RORA: variants seen among roughly 807,000 people sequenced by gnomAD.
RORA encodes nuclear receptor ROR-alpha.
A neutral mutation model predicts 69.5 loss-of-function variants in RORA; 7 were observed. The observed-to-expected ratio is 0.10, with a 90% confidence interval of 0.06 to 0.19. The LOEUF (loss-of-function observed/expected upper bound fraction) is 0.19, where lower values mean the gene tolerates loss of function less well. Ranked by LOEUF, RORA falls within the 10% of genes least tolerant of loss-of-function variation. The probability of loss-of-function intolerance (pLI) is 1.00; values close to 1 mark genes in which losing one functional copy is unlikely to be tolerated. For synonymous variants in RORA, 261 were observed against 240.8 expected (o/e 1.08, Z -0.78); for missense variants, 457 against 663.0 (o/e 0.69, Z 3.41).
At chr15:60,573,268 T>A (rs946984088) in intron 2 of RORA, among the ~76,000 whole-genome samples, 4 of 152,164 alleles carry the variant, frequency 2.6e-5, no homozygotes, top group Admixed American at 2.0e-4. Flanking sequence ...AGCGACATCA[T>A]AATGAAGTCC....
chr15:60,671,137 G>A (rs965475268), intron 2 of RORA, among the ~76,000 whole-genome samples: 16 of 143,682 alleles, frequency 1.1e-4, no homozygotes, highest in Non-Finnish European at 2.1e-4. Flanking sequence ...GGGTTTTTTT[G>A]GGTTTGGATA....
intron 3 of RORA, among the ~76,000 whole-genome samples, chr15:60,526,257 G>A (rs562791356): frequency 3.3e-5 from 5 of 152,244 alleles, no homozygotes; most frequent in African/African-American, 7.2e-5. Context: ...AGCTGCCCAC[G>A]TGTCATATTT....
In RORA at chr15:60,488,922, T is replaced by C. The variant is rs1268575800; in HGVS notation, c.*8533A>G. On this transcript the variant is annotated 3_prime_UTR_variant, in exon 11 of 11. Coordinates refer to ENST00000335670, the MANE Select transcript of RORA (RefSeq NM_134261.3). The stretch of plus-strand genomic sequence containing the variant: ...TTTAATACTTGGTTGTAGAGGAGAA[T>C]GTTAACCGTAAGGCTTGGCTTACTT... 1 of 152,236 alleles carries C rather than the reference T, an allele frequency of 6.6e-6. No individual in the cohort carries two copies. The highest frequency in any genetic ancestry group is 2.4e-5 in the African/African-American group (1 of 41,466). The allele number at this position is 152,236 out of a possible 1,614,324, so 9.4% of individuals were successfully genotyped here.
chr15:60,666,890 G>C (rs7166370), intron 2 of RORA, among the ~76,000 whole-genome samples: 55,343 of 152,038 alleles, frequency 0.36, 10,697 homozygotes, highest in Non-Finnish European at 0.44. Flanking sequence ...TCAGGTGACA[G>C]AAAACCTTAC....
chr15:60,838,644 AT>A (rs1305535239), intron 1 of RORA, among the ~76,000 whole-genome samples: 1 of 152,184 alleles, frequency 6.6e-6, no homozygotes, highest in African/African-American at 2.4e-5. Context: ...GGCGTCTTTT[AT>A]TTGTAGGTAT....
intron 2 of RORA, among the ~76,000 whole-genome samples, chr15:60,589,952 A>C (rs1302709110): frequency 6.6e-6 from 1 of 152,212 alleles, no homozygotes; most frequent in Non-Finnish European, 1.5e-5. Flanking sequence ...AACTATTAAA[A>C]CTGAGAAGCA....
intron 3 of RORA, among the ~76,000 whole-genome samples, chr15:60,514,992 A>G (rs555779143): frequency 1.3e-5 from 2 of 152,304 alleles, no homozygotes; most frequent in Admixed American, 1.3e-4. Context: ...TTTAACTTCA[A>G]CAGACAGTTG....
At chr15:60,863,478 A>G (rs1050753283) in intron 1 of RORA, among the ~76,000 whole-genome samples, 1 of 152,244 alleles carries the variant, frequency 6.6e-6, no homozygotes, top group African/African-American at 2.4e-5. Flanking sequence ...TATAGAATGA[A>G]CAGCACTCAA....
At chr15:60,642,508 G>C (rs896966114) in intron 2 of RORA, among the ~76,000 whole-genome samples, 1 of 152,164 alleles carries the variant, frequency 6.6e-6, no homozygotes, top group Non-Finnish European at 1.5e-5. Context: ...TTTCAGGCAA[G>C]TAAACTGCTA....
intron 1 of RORA, among the ~76,000 whole-genome samples, chr15:60,952,419 T>C (rs1243732680): frequency 2.6e-5 from 4 of 152,048 alleles, no homozygotes; most frequent in Non-Finnish European, 5.9e-5. Flanking sequence ...CTATTCAACA[T>C]AGTGTTGGAA....
rs948557647 is a variant in RORA, at chr15:60,929,351, T to C, written c.167-250665A>G. On this transcript the variant is annotated intron_variant, in intron 1 of 10. Coordinates refer to ENST00000335670, the MANE Select transcript of RORA (RefSeq NM_134261.3). ...GTGTGCTGCTTTGACAAATAAGCTA[T>C]GAAGTCTGGTATTCATCACTGGCTG... Among the ~76,000 whole-genome samples, 6 of 152,308 alleles carry C rather than the reference T, an allele frequency of 3.9e-5. No homozygotes were observed. The South Asian group carries it at 1.0e-3, about 26-fold the overall frequency.
chr15:61,136,708 A>G (rs543846714), intron 1 of RORA, among the ~76,000 whole-genome samples: 2 of 152,152 alleles, frequency 1.3e-5, no homozygotes, highest in Non-Finnish European at 2.9e-5. Flanking sequence ...TCATGAACCA[A>G]CTCAAGGCTT....
At chr15:60,515,289 C>T (rs1224315367) in intron 3 of RORA, among the ~76,000 whole-genome samples, 1 of 152,202 alleles carries the variant, frequency 6.6e-6, no homozygotes, top group Non-Finnish European at 1.5e-5. Flanking sequence ...AATCTGCTAT[C>T]GCAAGCATTA....
At chr15:60,696,935 A>G (rs1020932296) in intron 1 of RORA, among the ~76,000 whole-genome samples, 1 of 152,172 alleles carries the variant, frequency 6.6e-6, no homozygotes, top group African/African-American at 2.4e-5. Flanking sequence ...TCTTCTGATC[A>G]TTTTTCAAAT....
chr15:61,000,770 G>T (rs1233205585), intron 1 of RORA, among the ~76,000 whole-genome samples: 1 of 152,116 alleles, frequency 6.6e-6, no homozygotes, highest in Non-Finnish European at 1.5e-5. Flanking sequence ...AGAAATTCAG[G>T]TGGCCATTTC....
chr15:61,169,312 C>A (rs1188003016), intron 1 of RORA, among the ~76,000 whole-genome samples: 2 of 151,836 alleles, frequency 1.3e-5, no homozygotes, highest in Non-Finnish European at 2.9e-5. Context: ...AAGGCCCTGG[C>A]TTGACGTTGA....
chr15:61,022,891 T>G (rs1895607675), intron 1 of RORA, among the ~76,000 whole-genome samples: 1 of 151,824 alleles, frequency 6.6e-6, no homozygotes, highest in South Asian at 2.1e-4. Context: ...AATCAATGTT[T>G]AAGAACTGAC....
intron 6 of RORA, among the ~76,000 whole-genome samples, chr15:60,505,086 T>C (rs1025160074): frequency 5.3e-5 from 8 of 152,228 alleles, no homozygotes; most frequent in African/African-American, 1.7e-4. Context: ...AAATTTTTTT[T>C]GTATATACTC....
At chr15:60,849,049 G>A (rs1411083624) in intron 1 of RORA, 1 of 152,214 alleles carries the variant, frequency 6.6e-6, no homozygotes, top group Non-Finnish European at 1.5e-5. Flanking sequence ...CTCCCAACCT[G>A]AGACTGTGCC....
Sources: allele counts gnomAD v4.1 joint callset (sites outside exome capture counted in the v4.1 genomes callset), GRCh38; gene constraint gnomAD v4.1.1; transcripts MANE v1.5; gene names NCBI Gene and HGNC (gene_info 2026-07-23, HGNC 2026-07-21).